Variants in DNAH10 observed in about 807,000 individuals in gnomAD.
The protein encoded by DNAH10 is axonemal beta dynein heavy chain 10.
In DNAH10, 348 loss-of-function variants were observed where a neutral mutation model predicts 506.6. That is an observed-to-expected ratio of 0.69 (90% confidence interval 0.63 to 0.75). DNAH10 has a LOEUF of 0.75. Ranked by LOEUF, DNAH10 falls within the 30% of genes least tolerant of loss-of-function variation. The pLI is 0.00. For synonymous variants in DNAH10, 2,059 were observed against 2,198.6 expected (o/e 0.94, Z 1.78); for missense variants, 5,179 against 5,787.1 (o/e 0.89, Z 3.41).
rs531031691 is a variant in DNAH10, at chr12:123,925,099, A to G, written c.11816A>G (p.Asp3939Gly). Residue 3939 changes from aspartate (D) to glycine (G), a missense_variant, in exon 68 of 79, where the codon GAT becomes GGT. This residue lies in a region of DNAH10 where 4,844 missense variants were observed against 5,430.5 expected (regional missense o/e 0.89). Transcript: ENST00000673944. This position sits in a 1 kb window ranked among gnomAD's most constrained non-coding sequence, Gnocchi z 4.0. ...CAGTTTCCCGTCCCCTTGGGTTACG[A>G]TAACAACATCACCCCTTTCCAGAAG... ...LEQFPVPLGYDNNITPFQKLL... is the reference protein window; with the variant it reads ...LEQFPVPLGYGNNITPFQKLL... 44 of 1,614,032 alleles carry G rather than the reference A, an allele frequency of 2.7e-5. No individual in the cohort carries two copies. The South Asian group carries it at 4.7e-4, about 17-fold the overall frequency.
rs772738972 is a variant in DNAH10, at chr12:123,774,221, T to C, written c.578T>C (p.Ile193Thr). Residue 193 changes from isoleucine to threonine, a missense_variant, in exon 5 of 79, where the codon ATA becomes ACA. Coordinates refer to ENST00000673944, the MANE Select transcript of DNAH10 (RefSeq NM_001372106.1). ...IMPETLEYGIINANVLHFLKN... is the reference protein window; with the variant it reads ...IMPETLEYGITNANVLHFLKN... The stretch of plus-strand genomic sequence containing the variant: ...CCAGAAACACTGGAGTATGGAATTA[T>C]AAACGCTAATGTGCTCCATTTTCTG... The C allele has an allele frequency of 1.5e-5, 24 of 1,610,724 alleles. No homozygotes were observed. Among genetic ancestry groups the C allele is most frequent in the Non-Finnish European group, 2.0e-5 (23 of 1,179,090 alleles).
rs1470750537 is a variant in DNAH10 at position 123,857,054 on chromosome 12, A to G, written c.6439-2A>G. The G allele has an allele frequency of 1.2e-6, 2 of 1,602,618 alleles. No homozygotes were observed. Among genetic ancestry groups the G allele is most frequent in the Non-Finnish European group, 1.7e-6 (2 of 1,174,580 alleles). ...TGGAAACATGTGTTTCATTTCCTGC[A>G]GGACGTGGTGCTGATGAGGGCCTTG... On this transcript the variant is annotated splice_acceptor_variant, in intron 36 of 78. Transcript: ENST00000673944. LOFTEE classifies it high-confidence loss of function.
intron 11 of DNAH10, among the ~76,000 whole-genome samples, chr12:123,790,935 G>C (rs2136221925): frequency 6.6e-6 from 1 of 152,176 alleles, no homozygotes; most frequent in South Asian, 2.1e-4. Context: ...GACCAGCCTG[G>C]GCAACCTAGT....
At chr12:123,888,397 A>G (rs1027037631) in intron 52 of DNAH10, among the ~76,000 whole-genome samples, 1 of 152,176 alleles carries the variant, frequency 6.6e-6, no homozygotes, top group African/African-American at 2.4e-5. Flanking sequence ...GAGTCTTTGC[A>G]GATGTAATTA....
At chr12:123,833,896 T>C (rs1375271977) in intron 27 of DNAH10, among the ~76,000 whole-genome samples, 1 of 152,214 alleles carries the variant, frequency 6.6e-6, no homozygotes, top group African/African-American at 2.4e-5. Flanking sequence ...GGTCTTATAG[T>C]AGGTGGTTTG....
chr12:123,849,061 A>C (rs1158802515), intron 34 of DNAH10, among the ~76,000 whole-genome samples, 179 bp downstream of exon 34: 1 of 152,160 alleles, frequency 6.6e-6, no homozygotes, highest in Non-Finnish European at 1.5e-5. Context: ...ATCATTGATG[A>C]TAAGGTTTGT....
At chr12:123,848,923 G>A in intron 34 of DNAH10, 41 bp downstream of exon 34, 1 of 1,604,482 alleles carries the variant, frequency 6.2e-7, no homozygotes, top group Non-Finnish European at 8.5e-7. Flanking sequence ...CCCTAGGATG[G>A]AAGTTTGCCA....
chr12:123,792,490 G>A (rs545566525), intron 11 of DNAH10, among the ~76,000 whole-genome samples: 8 of 133,806 alleles, frequency 6.0e-5, no homozygotes, highest in East Asian at 2.0e-4. Context: ...ACAGAGTTTC[G>A]CTCTTGTTGC....
chr12:123,813,619 TA>T lies in DNAH10; in HGVS notation c.3602del (p.Asn1201IlefsTer38), dbSNP rs1959029316. Reference sequence around the variant, plus strand: ...ATGAGTCAGCAAAAGAGGAGCTCTATAATCTCCATGAAGAGATGGAGGTACT... The same window carrying T: ...ATGAGTCAGCAAAAGAGGAGCTCTATATCTCCATGAAGAGATGGAGGTACT... ...LNESAKEELYNLHEEMEHLAK... is the reference protein window; with the variant it reads ...LNESAKEELYXLHEEMEHLAK... On this transcript the variant is annotated frameshift_variant, in exon 20 of 79. Coordinates refer to ENST00000673944, the MANE Select transcript of DNAH10 (RefSeq NM_001372106.1). LOFTEE classifies it high-confidence loss of function. 6.2e-7 allele frequency: 1 copy of T among 1,614,088 alleles called. No homozygotes were observed. The highest frequency in any genetic ancestry group is 1.3e-5 in the African/African-American group (1 of 74,940).
intron 41 of DNAH10, among the ~76,000 whole-genome samples, chr12:123,866,288 G>A (rs1203182588): frequency 8.3e-6 from 1 of 120,534 alleles, no homozygotes; most frequent in African/African-American, 3.2e-5. Flanking sequence ...CTGTCACCCA[G>A]GCTGGAGTGC....
At chr12:123,848,425 G>A (rs530406605) in intron 33 of DNAH10, among the ~76,000 whole-genome samples, 3 of 152,284 alleles carry the variant, frequency 2.0e-5, no homozygotes, top group South Asian at 2.1e-4. Flanking sequence ...TCCAGCTTTG[G>A]TTCATAATCA....
At position 123,931,680 on chromosome 12, in the gene DNAH10, G is replaced by A; in HGVS notation, c.12961G>A (p.Val4321Met). Reference sequence around the variant, plus strand: ...CAGCCGCGATGATTATATTGGCCAAGTGGCCAAAGAAATAGAAAACAAGAT... The same window carrying A: ...CAGCCGCGATGATTATATTGGCCAAATGGCCAAAGAAATAGAAAACAAGAT... ...GISRDDYIGQ[V>M]AKEIENKMPK... The change falls in exon 75 of 79, where the codon GTG becomes ATG. Residue 4321 changes from valine (V) to methionine (M), a missense_variant. Transcript: ENST00000673944. 1 of 1,614,046 alleles carries A rather than the reference G, an allele frequency of 6.2e-7. No individual in the cohort carries two copies. The highest frequency in any genetic ancestry group is 8.5e-7 in the Non-Finnish European group (1 of 1,179,910).
At chr12:123,889,580 G>T (rs138827332) in intron 52 of DNAH10, among the ~76,000 whole-genome samples, 4 of 152,162 alleles carry the variant, frequency 2.6e-5, no homozygotes, top group Non-Finnish European at 4.4e-5. Context: ...GGTAAGTGCC[G>T]TGAGTGCAAA....
intron 27 of DNAH10, among the ~76,000 whole-genome samples, chr12:123,835,088 G>C (rs79891775): frequency 0.043 from 6,546 of 152,280 alleles, 185 homozygotes; most frequent in Non-Finnish European, 0.063. Context: ...TGAGTGTCTG[G>C]CATGGCCTGT....
At position 123,925,548 on chromosome 12, in the gene DNAH10, C is replaced by T. The variant is rs1384656380; in HGVS notation, c.11921+344C>T. The T allele has an allele frequency of 4.9e-6, 1 of 203,582 alleles. No homozygotes were observed. Among genetic ancestry groups the T allele is most frequent in the Non-Finnish European group, 9.8e-6 (1 of 102,062 alleles). 12.6% of individuals were successfully genotyped at this position (203,582 alleles called of 1,614,324 possible). Reference sequence around the variant, plus strand: ...ATATGAACATGATTGAGACATTTTACATGCTTTTTTCTGGTATTAAGTCTA... The same window carrying T: ...ATATGAACATGATTGAGACATTTTATATGCTTTTTTCTGGTATTAAGTCTA... On this transcript the variant is annotated intron_variant, in intron 68 of 78. Transcript: ENST00000673944. The surrounding 1 kb of genome is among the most constrained non-coding windows in gnomAD (Gnocchi z 4.0).
At chr12:123,934,815 G>A in intron 78 of DNAH10, 49 bp downstream of exon 78, 2 of 1,608,372 alleles carry the variant, frequency 1.2e-6, no homozygotes, top group Non-Finnish European at 1.7e-6. Context: ...TTCCTCTTCT[G>A]ACTGTAGTTA....
chr12:123,930,302 T>TG, intron 72 of DNAH10, 100 bp from the exon 73 acceptor site: 1 of 1,164,286 alleles, frequency 8.6e-7, no homozygotes, highest in Non-Finnish European at 1.2e-6. Flanking sequence ...GCCAGGCTGC[T>TG]GGAGTCTCTT....
intron 13 of DNAH10, among the ~76,000 whole-genome samples, chr12:123,797,376 C>CTTCTTTTTCTT (rs144664303): frequency 0.06 from 8,975 of 150,346 alleles, 460 homozygotes; most frequent in East Asian, 0.23. Flanking sequence ...TTTTGCGTTC[C>CTTCTTTTTCTT]TTCTTTTTCT....
chr12:123,901,901 T>A (rs1402494054), intron 56 of DNAH10, among the ~76,000 whole-genome samples: 1 of 152,150 alleles, frequency 6.6e-6, no homozygotes, highest in East Asian at 1.9e-4. Context: ...CCTTAGGTGA[T>A]CTACCTGCCT....
Sources: allele counts gnomAD v4.1 joint callset (sites outside exome capture counted in the v4.1 genomes callset), GRCh38; gene constraint gnomAD v4.1.1; regional missense constraint gnomAD v4.1.1; non-coding constraint Gnocchi (gnomAD v3.1); transcripts MANE v1.5; gene names NCBI Gene and HGNC (gene_info 2026-07-23, HGNC 2026-07-21).